The following CFTR variants were observed in gnomAD, a reference collection of about 807,000 sequenced individuals.
The protein encoded by CFTR is CF transmembrane conductance regulator.
In CFTR, 181 loss-of-function variants were observed where a neutral mutation model predicts 171.6. That is an observed-to-expected ratio of 1.05 (90% confidence interval 0.93 to 1.19). The LOEUF is 1.19. Among genes scored for constraint, CFTR ranks in the 50% most tolerant of loss-of-function variants. The pLI is 0.00. For synonymous variants in CFTR, 583 were observed against 608.0 expected (o/e 0.96, Z 0.60); for missense variants, 1,968 against 1,734.7 (o/e 1.13, Z -2.39).
At chr7:117,654,852 G>C (rs1305774800) in intron 24 of CFTR, among the ~76,000 whole-genome samples, 2 of 152,186 alleles carry the variant, frequency 1.3e-5, no homozygotes, top group African/African-American at 2.4e-5. Flanking sequence ...AGGTGGCACG[G>C]GGCAGTTGTA....
intron 1 of CFTR, among the ~76,000 whole-genome samples, chr7:117,497,100 G>A (rs1798252673): frequency 1.3e-5 from 2 of 151,978 alleles, no homozygotes; most frequent in East Asian, 1.9e-4. Flanking sequence ...TGGCAAATTG[G>A]ATACATGTGT....
At chr7:117,634,159 A>G (rs1413384292) in intron 22 of CFTR, among the ~76,000 whole-genome samples, 3 of 152,116 alleles carry the variant, frequency 2.0e-5, no homozygotes, top group Non-Finnish European at 4.4e-5. Context: ...AATTATTTTA[A>G]AATAGATATA....
intron 10 of CFTR, among the ~76,000 whole-genome samples, chr7:117,549,632 T>G (rs1799234553): frequency 6.6e-6 from 1 of 152,218 alleles, no homozygotes; most frequent in South Asian, 2.1e-4. Context: ...GGGCAATAGG[T>G]ATTTGCTTCA....
chr7:117,540,540 T>A (rs1799036959), intron 8 of CFTR, among the ~76,000 whole-genome samples, 194 bp downstream of exon 8: 1 of 152,218 alleles, frequency 6.6e-6, no homozygotes, highest in Non-Finnish European at 1.5e-5. Flanking sequence ...GACAGTATGA[T>A]GGATGAGAGT....
chr7:117,542,652 A>C (rs1427421144), intron 9 of CFTR, among the ~76,000 whole-genome samples: 1 of 152,230 alleles, frequency 6.6e-6, no homozygotes, highest in East Asian at 1.9e-4. Context: ...TTCACATAAC[A>C]GATCAGGAAA....
chr7:117,505,367 A>G (rs1315514787), intron 2 of CFTR, among the ~76,000 whole-genome samples: 2 of 152,112 alleles, frequency 1.3e-5, no homozygotes, highest in Non-Finnish European at 2.9e-5. Flanking sequence ...AATAAAAGGA[A>G]CGAATTTATT....
At chr7:117,536,742 A>G (rs1584787824) in intron 7 of CFTR, 69 bp downstream of exon 7, 6 of 1,286,908 alleles carry the variant, frequency 4.7e-6, no homozygotes, top group East Asian at 2.3e-5. Flanking sequence ...TATGTTTATC[A>G]TGGTAGACTT....
Position 117,543,117 on chromosome 7 carries a change from C to A in CFTR, c.1209+1009C>A, listed in dbSNP as rs189456301. ...AGCACACCTGTTGAAGTTTTAGTTT[C>A]TTCTCACTTACATGGGTTGTGTAAA... On this transcript the variant is annotated intron_variant, in intron 9 of 26. Transcript: ENST00000003084. Among the ~76,000 whole-genome samples the A allele has an allele frequency of 5.9e-4, 90 of 152,268 alleles. 1 individual carries two copies. Among genetic ancestry groups the A allele is most frequent in the Middle Eastern group, 3.4e-3 (1 of 294 alleles).
At chr7:117,540,788 CT>C (rs1426913594) in intron 8 of CFTR, among the ~76,000 whole-genome samples, 1 of 152,102 alleles carries the variant, frequency 6.6e-6, no homozygotes, top group Non-Finnish European at 1.5e-5. Flanking sequence ...GGGTGAGCCA[CT>C]CTTAGGTAGT....
chr7:117,504,588 T>C (rs1323575389), intron 2 of CFTR, among the ~76,000 whole-genome samples: 5 of 151,978 alleles, frequency 3.3e-5, no homozygotes, highest in Non-Finnish European at 5.9e-5. Context: ...ATGTTATCTC[T>C]ACACAAAATA....
intron 1 of CFTR, among the ~76,000 whole-genome samples, chr7:117,491,589 A>T (rs1288385762): frequency 3.9e-5 from 6 of 152,024 alleles, no homozygotes; most frequent in African/African-American, 1.4e-4. Flanking sequence ...AATCCTTGGC[A>T]TTCCTTGACT....
rs1438058652 is a variant in CFTR, at chr7:117,666,808, T to G, written c.4243-100T>G. On this transcript the variant is annotated intron_variant, in intron 26 of 26. Transcript: ENST00000003084. ...AAATGCAAGGCTCTGGACATTGCAT[T>G]CTTTGACTTTTATTTTCCTTTGAGC... 1.3e-5 allele frequency: 13 copies of G among 994,640 alleles called. No individual in the cohort carries two copies. The South Asian group carries it at 1.3e-4, about 10-fold the overall frequency. The allele number at this position is 994,640 out of a possible 1,614,324, so 61.6% of individuals were successfully genotyped here. A position where few individuals can be genotyped will look rare whatever the true frequency, so the allele number is the denominator to read the frequency against.
chr7:117,610,353 A>T (rs1044141713), intron 18 of CFTR, among the ~76,000 whole-genome samples, 166 bp from the exon 19 acceptor site: 2 of 151,054 alleles, frequency 1.3e-5, no homozygotes, highest in Non-Finnish European at 3.0e-5. Context: ...AACCTGCACA[A>T]TGTGCACATG....
rs1554374167 is a variant in CFTR, at chr7:117,490,354, C to CA, written c.53+10209dup. Among the ~76,000 whole-genome samples the CA allele has an allele frequency of 1.3e-3, 190 of 146,160 alleles. 5 individuals carry two copies. In the South Asian group the frequency reaches 0.039, roughly 30 times the overall value. ...ACACACACACACACACACACACACACAATTTATTATAAGGAATTGACTTAC... is the reference window on the plus strand; with the variant it reads ...ACACACACACACACACACACACACACAAATTTATTATAAGGAATTGACTTAC... On this transcript the variant is annotated intron_variant, in intron 1 of 26. Transcript: ENST00000003084.
intron 23 of CFTR, among the ~76,000 whole-genome samples, chr7:117,648,022 G>A (rs985812986): frequency 1.1e-4 from 16 of 147,592 alleles, no homozygotes; most frequent in South Asian, 4.3e-4. Flanking sequence ...GTGTGTGTGT[G>A]TGTATATATA....
chr7:117,623,522 A>T (rs1019472745), intron 21 of CFTR, among the ~76,000 whole-genome samples: 2 of 152,224 alleles, frequency 1.3e-5, no homozygotes, highest in South Asian at 2.1e-4. Context: ...TAGGCACTCT[A>T]AATGAGAGAA....
At chr7:117,505,460 C>T (rs1285464099) in intron 2 of CFTR, among the ~76,000 whole-genome samples, 1 of 152,174 alleles carries the variant, frequency 6.6e-6, no homozygotes, top group Non-Finnish European at 1.5e-5. Context: ...TCAAATGCCA[C>T]CTGGTGGCAT....
intron 11 of CFTR, among the ~76,000 whole-genome samples, chr7:117,573,728 A>G (rs765341050): frequency 6.6e-6 from 1 of 152,156 alleles, no homozygotes; most frequent in Non-Finnish European, 1.5e-5. Context: ...GGTTTGAAAG[A>G]AAGGTTTTTC....
At chr7:117,562,458 A>G (rs117635168) in intron 11 of CFTR, among the ~76,000 whole-genome samples, 2 of 152,312 alleles carry the variant, frequency 1.3e-5, no homozygotes, top group African/African-American at 2.4e-5. Context: ...AGAAGTTGGT[A>G]TATCGTGTGG....
Sources: allele counts gnomAD v4.1 joint callset (sites outside exome capture counted in the v4.1 genomes callset), GRCh38; gene constraint gnomAD v4.1.1; transcripts MANE v1.5; gene names NCBI Gene and HGNC (gene_info 2026-07-23, HGNC 2026-07-21).